CFAP44: variants seen among roughly 807,000 people sequenced by gnomAD.
CFAP44 encodes the protein cilia and flagella associated protein 44.
A neutral mutation model predicts 216.2 loss-of-function variants in CFAP44; 134 were observed. The ratio of observed to expected loss-of-function variants is 0.62; its 90% CI spans 0.54 to 0.72. The LOEUF is 0.72. Ranked by LOEUF, CFAP44 falls within the 30% of genes least tolerant of loss-of-function variation. The pLI is 0.00. For missense variants in CFAP44, 2,035 were observed against 2,182.1 expected (o/e 0.93, Z 1.34); for synonymous variants, 700 against 727.6 (o/e 0.96, Z 0.61).
At chr3:113,412,444 G>A (rs1271924978) in intron 6 of CFAP44, among the ~76,000 whole-genome samples, 2 of 151,196 alleles carry the variant, frequency 1.3e-5, no homozygotes, top group Non-Finnish European at 2.9e-5. Flanking sequence ...TGTGCAGAAC[G>A]TGCAAGTTTG....
Position 113,366,310 on chromosome 3 carries a change from C to T in CFAP44, c.2445-1G>A. On this transcript the variant is annotated splice_acceptor_variant, in intron 18 of 34. Coordinates refer to ENST00000393845, the MANE Select transcript of CFAP44 (RefSeq NM_001164496.2). LOFTEE classifies it high-confidence loss of function. ...ACAAAACATCATAACTTTGTTAATG[C>T]TACGAAACAAAAAATGTAAATTGTT... The T allele has an allele frequency of 6.3e-7, 1 of 1,584,688 alleles. No individual in the cohort carries two copies. Among genetic ancestry groups the T allele is most frequent in the Non-Finnish European group, 8.6e-7 (1 of 1,160,864 alleles).
At chr3:113,310,954 G>A (rs1317528329) in intron 28 of CFAP44, among the ~76,000 whole-genome samples, 1 of 152,172 alleles carries the variant, frequency 6.6e-6, no homozygotes, top group Admixed American at 6.5e-5. Flanking sequence ...TTTATAGCCT[G>A]TGGAACCATG....
At position 113,291,028 on chromosome 3, in the gene CFAP44, G is replaced by C. The variant is rs547388937; in HGVS notation, c.*529C>G. 2.6e-5 allele frequency: 4 copies of C among 155,078 alleles called. No individual in the cohort carries two copies. In the Middle Eastern group the frequency reaches 0.01, roughly 396 times the overall value. The allele number at this position is 155,078 out of a possible 1,614,324, so 9.6% of individuals were successfully genotyped here. On this transcript the variant is annotated 3_prime_UTR_variant, in exon 35 of 35. Transcript: ENST00000393845. The stretch of plus-strand genomic sequence containing the variant: ...CTGAATCCTGAGCCCTCAAAACACT[G>C]CTTTATGAAGTCAACAATGCCAAAA...
chr3:113,407,157 C>A, intron 7 of CFAP44, 116 bp from the exon 8 acceptor site: 1 of 790,242 alleles, frequency 1.3e-6, no homozygotes, highest in Non-Finnish European at 2.1e-6. Flanking sequence ...TTCATTCATT[C>A]ATTTATCTGA....
intron 15 of CFAP44, among the ~76,000 whole-genome samples, chr3:113,384,033 G>A (rs1043314198): frequency 6.6e-6 from 1 of 151,716 alleles, no homozygotes; most frequent in African/African-American, 2.4e-5. Flanking sequence ...AGTTTGCTGA[G>A]AATGATGATT....
intron 6 of CFAP44, among the ~76,000 whole-genome samples, chr3:113,414,272 G>T (rs927477118): frequency 1.3e-5 from 2 of 151,994 alleles, no homozygotes; most frequent in Non-Finnish European, 2.9e-5. Context: ...GAGATGATGG[G>T]GTTTTCTAAA....
At chr3:113,349,578 AC>A (rs1950422321) in intron 22 of CFAP44, among the ~76,000 whole-genome samples, 1 of 152,176 alleles carries the variant, frequency 6.6e-6, no homozygotes, top group African/African-American at 2.4e-5. Context: ...CCAATGAGAA[AC>A]AAGCTGCTCC....
chr3:113,376,104 A>G (rs1418818478), intron 17 of CFAP44, among the ~76,000 whole-genome samples: 1 of 152,222 alleles, frequency 6.6e-6, no homozygotes, highest in African/African-American at 2.4e-5. Context: ...GGATTCTTTT[A>G]AGCCTAACCA....
intron 30 of CFAP44, among the ~76,000 whole-genome samples, chr3:113,305,973 A>G (rs1390985561): frequency 1.3e-5 from 2 of 152,132 alleles, no homozygotes; most frequent in African/African-American, 2.4e-5. Flanking sequence ...TTTTACTTAT[A>G]CAGTCATCAG....
At position 113,308,576 on chromosome 3, in the gene CFAP44, AT is replaced by A. The variant is rs146706608; in HGVS notation, c.4517-309del. On this transcript the variant is annotated intron_variant, in intron 28 of 34. Coordinates refer to ENST00000393845, the MANE Select transcript of CFAP44 (RefSeq NM_001164496.2). ...TAAGATGCTCTAAAATCAGACAAAAATTTTTTTTTCTTTTTTTTTTCTTTTT... is the reference window on the plus strand; with the variant it reads ...TAAGATGCTCTAAAATCAGACAAAAATTTTTTTTCTTTTTTTTTTCTTTTT... Among the ~76,000 whole-genome samples, 12 of 150,916 alleles carry A rather than the reference AT, an allele frequency of 8.0e-5. No individual in the cohort carries two copies. The South Asian group carries it at 8.4e-4, about 11-fold the overall frequency.
intron 13 of CFAP44, among the ~76,000 whole-genome samples, chr3:113,396,964 C>T (rs1209376240): frequency 1.3e-5 from 2 of 152,206 alleles, no homozygotes; most frequent in Non-Finnish European, 1.5e-5. Context: ...GAGTGTCTGC[C>T]TACCACATGC....
At chr3:113,374,740 T>C (rs1457881553) in intron 17 of CFAP44, among the ~76,000 whole-genome samples, 1 of 152,182 alleles carries the variant, frequency 6.6e-6, no homozygotes, top group African/African-American at 2.4e-5. Flanking sequence ...GTTCAAGCAA[T>C]TCTCCTGCCT....
intron 18 of CFAP44, among the ~76,000 whole-genome samples, chr3:113,368,593 C>T (rs1009111592): frequency 6.6e-6 from 1 of 152,132 alleles, no homozygotes; most frequent in African/African-American, 2.4e-5. Flanking sequence ...GAAGGAAGCA[C>T]TAAACATGGA....
chr3:113,424,205 A>C (rs1193162826), intron 4 of CFAP44, among the ~76,000 whole-genome samples: 2 of 152,150 alleles, frequency 1.3e-5, no homozygotes, highest in African/African-American at 4.8e-5. Context: ...TGGGAGGCCA[A>C]GGCGGGCAGA....
chr3:113,367,805 T>C (rs947945742), intron 18 of CFAP44, among the ~76,000 whole-genome samples: 5 of 152,116 alleles, frequency 3.3e-5, no homozygotes, highest in African/African-American at 7.2e-5. Flanking sequence ...TAAAGGAGCA[T>C]GTTCTAACCC....
chr3:113,428,407 G>A (rs549973428), intron 2 of CFAP44, among the ~76,000 whole-genome samples: 4 of 152,272 alleles, frequency 2.6e-5, no homozygotes, highest in Non-Finnish European at 5.9e-5. Flanking sequence ...TGCTACAGAC[G>A]GAAAACTAGA....
chr3:113,366,403 G>T, intron 18 of CFAP44, 94 bp from the exon 19 acceptor site: 1 of 1,435,698 alleles, frequency 7.0e-7, no homozygotes, highest in Non-Finnish European at 9.4e-7. Context: ...TAATAACAAA[G>T]TTGTTATGGA....
At chr3:113,406,182 C>A (rs1934272932) in intron 8 of CFAP44, among the ~76,000 whole-genome samples, 1 of 152,194 alleles carries the variant, frequency 6.6e-6, no homozygotes, top group African/African-American at 2.4e-5. Context: ...TAACAGATTA[C>A]AGTTGCAGTG....
chr3:113,422,811 G>A (rs1247655089), intron 4 of CFAP44, among the ~76,000 whole-genome samples: 1 of 152,044 alleles, frequency 6.6e-6, no homozygotes, highest in Non-Finnish European at 1.5e-5. Context: ...ATGAAAATTA[G>A]GAATTGGAGA....
Sources: allele counts gnomAD v4.1 joint callset (sites outside exome capture counted in the v4.1 genomes callset), GRCh38; gene constraint gnomAD v4.1.1; transcripts MANE v1.5; gene names NCBI Gene and HGNC (gene_info 2026-07-23, HGNC 2026-07-21).